The following PSMC4 variants were observed in gnomAD, a reference collection of about 807,000 sequenced individuals.
The protein encoded by PSMC4 is 26S proteasome regulatory subunit 6B.
Under a neutral mutation model 48.4 loss-of-function variants are expected in PSMC4, and 13 were observed. The observed-to-expected ratio is 0.27, with a 90% CI of 0.18 to 0.43. The LOEUF is 0.43. Among genes scored for constraint, PSMC4 ranks in the 20% least tolerant of loss-of-function variants. The probability of loss-of-function intolerance (pLI) is 1.00; values close to 1 mark genes in which losing one functional copy is unlikely to be tolerated. For missense variants in PSMC4, 262 were observed against 555.9 expected, an observed-to-expected ratio of 0.47 and a Z score of 5.32; for synonymous variants, 202 against 212.3, an observed-to-expected ratio of 0.95 and a Z score of 0.42.
Position 39,974,263 on chromosome 19 carries a change from A to G in PSMC4, c.323-31A>G. ...GGGAAGGGGCAGTTTCCAGGCTGAC[A>G]CTTCTCGTTTTCCTCTCTCCCTTCT... On this transcript the variant is annotated intron_variant, in intron 3 of 10. Coordinates refer to ENST00000157812, the MANE Select transcript of PSMC4 (RefSeq NM_006503.4). The surrounding 1 kb of genome is among the most constrained non-coding windows in gnomAD (Gnocchi z 5.5). 6.2e-7 allele frequency: 1 copy of G among 1,611,646 alleles called. No homozygotes were observed. Among genetic ancestry groups the G allele is most frequent in the Non-Finnish European group, 8.5e-7 (1 of 1,178,392 alleles).
In PSMC4 at chr19:39,980,549, A is replaced by T. The variant is rs1971272549; in HGVS notation, c.1087+95A>T. ...GCCAGCACCACAGCCCAGACTGTGC[A>T]GGTGGGACCAAGGTCCAGGGAGGAG... On this transcript the variant is annotated intron_variant, in intron 9 of 10. Transcript: ENST00000157812. This position sits in a 1 kb window ranked among gnomAD's most constrained non-coding sequence, Gnocchi z 4.8. 2.5e-6 allele frequency: 4 copies of T among 1,585,376 alleles called. No individual in the cohort carries two copies. The highest frequency in any genetic ancestry group is 3.5e-6 in the Non-Finnish European group (4 of 1,155,324).
intron 6 of PSMC4, 133 bp from the exon 7 acceptor site, chr19:39,979,684 A>G: frequency 3.4e-6 from 3 of 890,292 alleles, no homozygotes; most frequent in Non-Finnish European, 4.7e-6. Context: ...CTTGGGCATG[A>G]GGGAATGACA....
At position 39,980,005 on chromosome 19, in the gene PSMC4, G is replaced by A. The variant is rs1338749491; in HGVS notation, c.841+21G>A. 2 of 1,613,860 alleles carry A rather than the reference G, an allele frequency of 1.2e-6. No individual in the cohort carries two copies. The highest frequency in any genetic ancestry group is 8.5e-7 in the Non-Finnish European group (1 of 1,179,886). On this transcript the variant is annotated intron_variant, in intron 7 of 10. Coordinates refer to ENST00000157812, the MANE Select transcript of PSMC4 (RefSeq NM_006503.4). The surrounding 1 kb of genome is among the most constrained non-coding windows in gnomAD (Gnocchi z 4.8). ...AGGGGGTAAGTGATGCTGAAACAAGGCCCGGGGTCTTGGACAGGCTTGTCG... is the reference window on the plus strand; with the variant it reads ...AGGGGGTAAGTGATGCTGAAACAAGACCCGGGGTCTTGGACAGGCTTGTCG...
intron 6 of PSMC4, among the ~76,000 whole-genome samples, chr19:39,976,401 C>CAAAAAA (rs757355957): frequency 3.8e-4 from 17 of 45,140 alleles, no homozygotes; most frequent in African/African-American, 9.1e-4. Flanking sequence ...GACTCCGTCT[C>CAAAAAA]AAAAAAAAAA....
At position 39,974,809 on chromosome 19, in the gene PSMC4, G is replaced by A. The variant is rs188483172; in HGVS notation, c.654G>A (p.Ala218=). 20 of 1,614,028 alleles carry A rather than the reference G, an allele frequency of 1.2e-5. No individual in the cohort carries two copies. In the East Asian group the frequency reaches 1.6e-4, roughly 13 times the overall value. Residue 218 remains alanine (A), a synonymous_variant, in exon 6 of 11, where the codon GCG becomes GCA. Coordinates refer to ENST00000157812, the MANE Select transcript of PSMC4 (RefSeq NM_006503.4). The surrounding 1 kb of genome is among the most constrained non-coding windows in gnomAD (Gnocchi z 5.5). ...PGCGKTMLAK[A]VAHHTTAAFI... ...GTGGGAAGACCATGTTGGCAAAGGC[G>A]GTGGCACATCACACAACAGGTGAGC...
rs760361475 is a variant in PSMC4, at chr19:39,972,182, A to G, written c.73A>G (p.Thr25Ala). ...AGCACTGTCCGTGTCCCGGCCCCAGACCGGCCTGTCCTTCCTGGGCCCTGA... is the reference window on the plus strand; with the variant it reads ...AGCACTGTCCGTGTCCCGGCCCCAGGCCGGCCTGTCCTTCCTGGGCCCTGA... ...IPALSVSRPQ[T>A]GLSFLGPEPE... Residue 25 changes from threonine to alanine, a missense_variant, in exon 2 of 11, where the codon ACC becomes GCC. Around this residue, in one of 4 missense-constraint regions of PSMC4, gnomAD observed 33 missense variants for 35.5 expected, o/e 0.93. Coordinates refer to ENST00000157812, the MANE Select transcript of PSMC4 (RefSeq NM_006503.4). 1 of 1,613,958 alleles carries G rather than the reference A, an allele frequency of 6.2e-7. No individual in the cohort carries two copies. Among genetic ancestry groups the G allele is most frequent in the East Asian group, 2.2e-5 (1 of 44,886 alleles).
In PSMC4 at chr19:39,971,243, A is replaced by G; in HGVS notation, c.36+5A>G. 1 of 1,614,134 alleles carries G rather than the reference A, an allele frequency of 6.2e-7. No individual in the cohort carries two copies. Among genetic ancestry groups the G allele is most frequent in the Non-Finnish European group, 8.5e-7 (1 of 1,179,978 alleles). ...ATCTTGGTGGAGAAGGCTCAGGTAC[A>G]GTGGGGACTTGGGCTTTTTAGTCCG... On this transcript the variant is annotated splice_donor_5th_base_variant and intron_variant, in intron 1 of 10. Coordinates refer to ENST00000157812, the MANE Select transcript of PSMC4 (RefSeq NM_006503.4).
chr19:39,977,123 G>T (rs1414547290), intron 6 of PSMC4, among the ~76,000 whole-genome samples: 1 of 151,778 alleles, frequency 6.6e-6, no homozygotes, highest in Non-Finnish European at 1.5e-5. Context: ...AAAATTCTGG[G>T]ATTACAGGCG....
At position 39,980,040 on chromosome 19, in the gene PSMC4, C is replaced by T. The variant is rs369580880; in HGVS notation, c.842-30C>T. 6.2e-7 allele frequency: 1 copy of T among 1,613,966 alleles called. No individual in the cohort carries two copies. Among genetic ancestry groups the T allele is most frequent in the Non-Finnish European group, 8.5e-7 (1 of 1,179,970 alleles). On this transcript the variant is annotated intron_variant, in intron 7 of 10. Coordinates refer to ENST00000157812, the MANE Select transcript of PSMC4 (RefSeq NM_006503.4). This position sits in a 1 kb window ranked among gnomAD's most constrained non-coding sequence, Gnocchi z 4.8. ...TTGGACAGGCTTGTCGCATGGGATG[C>T]CTGGGACTGACTGTGCTGTGCACTC... is the stretch of plus-strand genomic sequence containing the variant.
chr19:39,980,624 C>A lies in PSMC4; in HGVS notation c.1088-38C>A. On this transcript the variant is annotated intron_variant, in intron 9 of 10. Transcript: ENST00000157812. This position sits in a 1 kb window ranked among gnomAD's most constrained non-coding sequence, Gnocchi z 4.8. ...ATGACTTCCAGCCCCAGGCATTTAC[C>A]CCATCACACAGGGAATAGTTTCCTT... The A allele has an allele frequency of 2.5e-6, 4 of 1,610,284 alleles. No homozygotes were observed. Among genetic ancestry groups the A allele is most frequent in the Non-Finnish European group, 3.4e-6 (4 of 1,176,668 alleles).
rs749155602 is a variant in PSMC4, at chr19:39,980,639, A to G, written c.1088-23A>G. 1 of 1,612,770 alleles carries G rather than the reference A, an allele frequency of 6.2e-7. No homozygotes were observed. Among genetic ancestry groups the G allele is most frequent in the Non-Finnish European group, 8.5e-7 (1 of 1,178,846 alleles). On this transcript the variant is annotated intron_variant, in intron 9 of 10. Transcript: ENST00000157812. The surrounding 1 kb of genome is among the most constrained non-coding windows in gnomAD (Gnocchi z 4.8). ...AGGCATTTACCCCATCACACAGGGA[A>G]TAGTTTCCTTAACTCGCTGCAGATG...
At chr19:39,971,341 G>C in intron 1 of PSMC4, 103 bp downstream of exon 1, 2 of 1,455,518 alleles carry the variant, frequency 1.4e-6, no homozygotes, top group South Asian at 1.2e-5. Flanking sequence ...CCCCGGCCCA[G>C]GTTGGGGTTA....
chr19:39,980,451 G>A lies in PSMC4; in HGVS notation c.1084G>A (p.Asp362Asn). ...MNLSEEVDLE[D>N]YVARPDKISG... ...CCTCTCTGAGGAGGTTGACTTGGAA[G>A]ACTGTATCCTGCTCCAGAAGTCAGG... Residue 362 changes from aspartate to asparagine, a missense_variant, in exon 9 of 11, where the codon GAC becomes AAC. By Grantham distance (23) the Asp-to-Asn change is conservative. This residue lies in a region of PSMC4 where 84 missense variants were observed against 157.8 expected (regional missense o/e 0.53). Coordinates refer to ENST00000157812, the MANE Select transcript of PSMC4 (RefSeq NM_006503.4). The surrounding 1 kb of genome is among the most constrained non-coding windows in gnomAD (Gnocchi z 4.8). The A allele has an allele frequency of 6.2e-7, 1 of 1,613,948 alleles. No homozygotes were observed.
intron 10 of PSMC4, 70 bp from the exon 11 acceptor site, chr19:39,981,122 G>T: frequency 8.4e-7 from 1 of 1,195,310 alleles, no homozygotes; most frequent in South Asian, 1.2e-5. Context: ...CTCCCAAAGT[G>T]TCGGGATTAC....
intron 6 of PSMC4, among the ~76,000 whole-genome samples, chr19:39,975,639 CCTCT>C (rs1411534652): frequency 2.6e-5 from 4 of 152,112 alleles, no homozygotes; most frequent in African/African-American, 7.2e-5. Context: ...GGTAAATTAA[CCTCT>C]CTGTGACTCA....
At position 39,980,576 on chromosome 19, in the gene PSMC4, G is replaced by A. The variant is rs1971273050; in HGVS notation, c.1088-86G>A. ...GTGGGACCAAGGTCCAGGGAGGAGG[G>A]GAGGTGACAGAGATGGCCAAAGATG... On this transcript the variant is annotated intron_variant, in intron 9 of 10. Coordinates refer to ENST00000157812, the MANE Select transcript of PSMC4 (RefSeq NM_006503.4). The surrounding 1 kb of genome is among the most constrained non-coding windows in gnomAD (Gnocchi z 4.8). The A allele has an allele frequency of 6.3e-7, 1 of 1,584,332 alleles. No individual in the cohort carries two copies. Among genetic ancestry groups the A allele is most frequent in the Non-Finnish European group, 8.7e-7 (1 of 1,153,726 alleles).
In PSMC4 at chr19:39,980,482, G is replaced by T; in HGVS notation, c.1087+28G>T. Reference sequence around the variant, plus strand: ...ATCCTGCTCCAGAAGTCAGGGAGGGGCCCTAGTTGGGAACGGGGATTAGAT... The same window carrying T: ...ATCCTGCTCCAGAAGTCAGGGAGGGTCCCTAGTTGGGAACGGGGATTAGAT... On this transcript the variant is annotated intron_variant, in intron 9 of 10. Coordinates refer to ENST00000157812, the MANE Select transcript of PSMC4 (RefSeq NM_006503.4). This position sits in a 1 kb window ranked among gnomAD's most constrained non-coding sequence, Gnocchi z 4.8. The T allele has an allele frequency of 6.2e-7, 1 of 1,612,316 alleles. No individual in the cohort carries two copies. Among genetic ancestry groups the T allele is most frequent in the Non-Finnish European group, 8.5e-7 (1 of 1,178,702 alleles).
At chr19:39,979,586 T>C (rs1971257849) in intron 6 of PSMC4, 1 of 370,124 alleles carries the variant, frequency 2.7e-6, no homozygotes, top group Non-Finnish European at 4.7e-6. Context: ...AGTGACACAT[T>C]TGTAAGGATG....
At chr19:39,972,107 A>G (rs1189946961) in intron 1 of PSMC4, 39 bp from the exon 2 acceptor site, 1 of 1,561,914 alleles carries the variant, frequency 6.4e-7, no homozygotes, top group Non-Finnish European at 8.8e-7. Flanking sequence ...TCATGAGAGG[A>G]CTGTCTTCTT....
Sources: gnomAD v4.1 joint callset for allele counts (sites outside exome capture counted in the v4.1 genomes callset) on GRCh38, gnomAD v4.1.1 for gene constraint, gnomAD v4.1.1 regional missense constraint, Gnocchi (gnomAD v3.1) non-coding constraint, MANE v1.5 for transcripts, NCBI Gene and HGNC (gene_info 2026-07-23, HGNC 2026-07-21) for gene names.